The following PCLO variants were observed in gnomAD, a reference collection of about 807,000 sequenced individuals.
The protein encoded by PCLO is piccolo presynaptic cytomatrix protein.
A neutral mutation model predicts 427.5 loss-of-function variants in PCLO; 82 were observed. The observed-to-expected ratio is 0.19, with a 90% CI of 0.16 to 0.23. The LOEUF (loss-of-function observed/expected upper bound fraction) is 0.23, where lower values mean the gene tolerates loss of function less well. Among genes scored for constraint, PCLO ranks in the 10% least tolerant of loss-of-function variants. The probability of loss-of-function intolerance (pLI) is 1.00; values close to 1 mark genes in which losing one functional copy is unlikely to be tolerated. For synonymous variants in PCLO, 2,357 were observed against 2,155.4 expected (o/e 1.09, Z -2.59); for missense variants, 6,239 against 6,115.9 (o/e 1.02, Z -0.67).
At chr7:82,972,234 T>C (rs746400999) in intron 3 of PCLO, among the ~76,000 whole-genome samples, 11 of 151,910 alleles carry the variant, frequency 7.2e-5, no homozygotes, top group Admixed American at 4.6e-4. Context: ...AACAAAACAG[T>C]GTTCAAAAAA....
intron 2 of PCLO, among the ~76,000 whole-genome samples, chr7:83,150,935 T>C (rs1304162940): frequency 1.3e-5 from 2 of 152,314 alleles, no homozygotes; most frequent in African/African-American, 2.4e-5. Context: ...CTTTGGAAGA[T>C]GCAGATTTAC....
intron 20 of PCLO, among the ~76,000 whole-genome samples, chr7:82,815,313 T>C (rs1179206116): frequency 1.3e-5 from 2 of 152,040 alleles, no homozygotes; most frequent in African/African-American, 4.8e-5. Flanking sequence ...GTTCATAAAG[T>C]ATCTTTTGTA....
At chr7:82,960,888 A>G (rs570053508) in intron 4 of PCLO, among the ~76,000 whole-genome samples, 1 of 152,264 alleles carries the variant, frequency 6.6e-6, no homozygotes, top group South Asian at 2.1e-4. Context: ...GATAATTATA[A>G]TAATGAAAAG....
intron 3 of PCLO, among the ~76,000 whole-genome samples, chr7:83,038,428 A>G (rs1263536161): frequency 6.6e-6 from 1 of 151,702 alleles, no homozygotes; most frequent in African/African-American, 2.4e-5. Context: ...TCTGCTTTCT[A>G]TCTCTATAAA....
chr7:82,794,459 C>CTGTTTTTTTTTTTTTTTTTTTTTTTTT lies in PCLO; in HGVS notation c.15007+7058_15007+7059insAAAAAAAAAAAAAAAAAAAAAAAAACA, dbSNP rs1554333552. On this transcript the variant is annotated intron_variant, in intron 22 of 24. Coordinates refer to ENST00000333891, the MANE Select transcript of PCLO (RefSeq NM_033026.6). Reference sequence around the variant, plus strand: ...ACATGCTAGTTCATAAATTTTTTTTCTTTTTTTTTTTTTTTTTTTTTTTTT... The same window carrying CTGTTTTTTTTTTTTTTTTTTTTTTTTT: ...ACATGCTAGTTCATAAATTTTTTTTCTGTTTTTTTTTTTTTTTTTTTTTTTTTTTTTTTTTTTTTTTTTTTTTTTTTT... 6.6e-4 allele frequency among the ~76,000 whole-genome samples: 37 copies of CTGTTTTTTTTTTTTTTTTTTTTTTTTT among 56,372 alleles called. 7 individuals carry two copies. The highest frequency in any genetic ancestry group is 9.0e-4 in the Non-Finnish European group (22 of 24,448). 37.0% of individuals were successfully genotyped at this position (56,372 alleles called of 152,430 possible).
intron 16 of PCLO, among the ~76,000 whole-genome samples, chr7:82,829,121 T>C (rs180709066): frequency 1.4e-4 from 21 of 152,270 alleles, no homozygotes; most frequent in African/African-American, 5.1e-4. Context: ...GAGAAAGCTA[T>C]TGAGGATCAA....
Position 82,982,308 on chromosome 7 carries a change from T to C in PCLO, c.3301-15821A>G, listed in dbSNP as rs117479888. Among the ~76,000 whole-genome samples the C allele has an allele frequency of 4.3e-3, 652 of 152,206 alleles. 3 individuals are homozygous for C. The highest frequency in any genetic ancestry group is 6.9e-3 in the Non-Finnish European group (469 of 68,002). ...AAACTCAATGAAGATCCAACTCATA[T>C]AGAGTGGGGGATGAGACTCAGGGAA... On this transcript the variant is annotated intron_variant, in intron 3 of 24. Coordinates refer to ENST00000333891, the MANE Select transcript of PCLO (RefSeq NM_033026.6).
chr7:83,003,473 A>C (rs1787873950), intron 3 of PCLO, among the ~76,000 whole-genome samples: 1 of 151,802 alleles, frequency 6.6e-6, no homozygotes, highest in Non-Finnish European at 1.5e-5. Flanking sequence ...TAAATGGCTT[A>C]GATGGGATGG....
intron 1 of PCLO, among the ~76,000 whole-genome samples, chr7:83,160,752 A>C (rs973985664): frequency 6.6e-6 from 1 of 152,162 alleles, no homozygotes; most frequent in African/African-American, 2.4e-5. Flanking sequence ...AAAAGTTAGA[A>C]ATCTAGAAAT....
At chr7:82,985,106 C>A (rs1018425729) in intron 3 of PCLO, among the ~76,000 whole-genome samples, 1 of 151,902 alleles carries the variant, frequency 6.6e-6, no homozygotes, top group Non-Finnish European at 1.5e-5. Flanking sequence ...AATAGATCCT[C>A]AGAGAGAGCA....
At chr7:82,943,599 G>A (rs1315255220) in intron 6 of PCLO, among the ~76,000 whole-genome samples, 4 of 151,934 alleles carry the variant, frequency 2.6e-5, no homozygotes, top group African/African-American at 7.3e-5. Context: ...TTTTCTCCCC[G>A]ACTCTGTAGA....
chr7:82,824,275 T>C lies in PCLO; in HGVS notation c.14557A>G (p.Lys4853Glu), dbSNP rs573782499. Residue 4853 changes from lysine (K) to glutamate (E), a missense_variant, in exon 19 of 25, where the codon AAA (lysine) becomes GAA (glutamate). Physicochemically the swap from Lys to Glu is moderately conservative, Grantham distance 56 (BLOSUM62 1). Coordinates refer to ENST00000333891, the MANE Select transcript of PCLO (RefSeq NM_033026.6). ...SQQSPKPSVI[K>E]SRSHGIFPDP... Reference sequence around the variant, plus strand: ...GGGAAGATACCATGGCTTCTGCTTTTGATAACAGATGGCTTTGGGGACTGC... The same window carrying C: ...GGGAAGATACCATGGCTTCTGCTTTCGATAACAGATGGCTTTGGGGACTGC... The C allele has an allele frequency of 1.2e-6, 2 of 1,613,478 alleles. No homozygotes were observed. The highest frequency in any genetic ancestry group is 2.2e-5 in the South Asian group (2 of 91,058).
chr7:82,817,463 T>C (rs1179182138), intron 20 of PCLO, among the ~76,000 whole-genome samples: 3 of 151,980 alleles, frequency 2.0e-5, no homozygotes, highest in African/African-American at 7.2e-5. Flanking sequence ...CAAAAGAAAA[T>C]GGGATGCTGA....
At chr7:82,940,848 C>T (rs1209067860) in intron 6 of PCLO, among the ~76,000 whole-genome samples, 14 of 144,816 alleles carry the variant, frequency 9.7e-5, no homozygotes, top group African/African-American at 2.1e-4. Flanking sequence ...CTGCAAGCTC[C>T]GCCTCCCGGG....
Position 82,950,721 on chromosome 7 carries a change from T to C in PCLO, c.9867A>G (p.Gln3289=), listed in dbSNP as rs748428974. The change falls in exon 6 of 25, where the codon CAA becomes CAG. Residue 3289 remains glutamine, a synonymous_variant. Coordinates refer to ENST00000333891, the MANE Select transcript of PCLO (RefSeq NM_033026.6). ...GTTGGATCTGCTCAAGCTGTAACTG[T>C]TGCTGAGCTAACGTCTCCTGCCTCA... ...FMMRQETLAQ[Q]QLQLEQIQQL... is the part of the protein sequence containing the mutation. The C allele has an allele frequency of 6.2e-7, 1 of 1,613,878 alleles. No individual in the cohort carries two copies. The highest frequency in any genetic ancestry group is 1.1e-5 in the South Asian group (1 of 91,086).
chr7:82,783,616 G>C (rs909425359), intron 22 of PCLO, among the ~76,000 whole-genome samples: 1 of 151,574 alleles, frequency 6.6e-6, no homozygotes, highest in Non-Finnish European at 1.5e-5. Context: ...AGCGAGACTC[G>C]GTCTCAAAAC....
At chr7:82,997,991 ACAACTC>A (rs1425993937) in intron 3 of PCLO, among the ~76,000 whole-genome samples, 1 of 152,018 alleles carries the variant, frequency 6.6e-6, no homozygotes, top group Admixed American at 6.6e-5. Context: ...TGAAAAACCA[ACAACTC>A]TTCTTAGATC....
intron 9 of PCLO, among the ~76,000 whole-genome samples, chr7:82,894,610 C>T (rs1032136436): frequency 1.1e-4 from 17 of 152,102 alleles, no homozygotes; most frequent in South Asian, 1.0e-3. Flanking sequence ...CTACAACACA[C>T]GGGAATTCAA....
chr7:83,093,283 T>G (rs987345754), intron 3 of PCLO, among the ~76,000 whole-genome samples: 2 of 151,422 alleles, frequency 1.3e-5, no homozygotes, highest in Middle Eastern at 3.2e-3. Context: ...TAAATACCAT[T>G]TATCTAACAA....
Sources: gnomAD v4.1 joint callset for allele counts (sites outside exome capture counted in the v4.1 genomes callset) on GRCh38, gnomAD v4.1.1 for gene constraint, MANE v1.5 for transcripts, NCBI Gene and HGNC (gene_info 2026-07-23, HGNC 2026-07-21) for gene names.